The following SEC22C variants were observed in gnomAD, a reference collection of about 807,000 sequenced individuals.
SEC22C encodes vesicle-trafficking protein SEC22c.
A neutral mutation model predicts 34.7 loss-of-function variants in SEC22C; 29 were observed. The observed-to-expected ratio is 0.84, with a 90% CI of 0.62 to 1.14. The LOEUF (loss-of-function observed/expected upper bound fraction) is 1.14, where lower values mean the gene tolerates loss of function less well. SEC22C is among the 50% of genes most tolerant of loss of function. The probability of loss-of-function intolerance (pLI) is 0.00; values close to 1 mark genes in which losing one functional copy is unlikely to be tolerated. For synonymous variants in SEC22C, 117 were observed against 132.8 expected, an observed-to-expected ratio of 0.88 and a Z score of 0.82; for missense variants, 337 against 369.0, an observed-to-expected ratio of 0.91 and a Z score of 0.71.
At chr3:42,591,108 G>T in intron 1 of SEC22C, 1 of 969,352 alleles carries the variant, frequency 1.0e-6, no homozygotes, top group Non-Finnish European at 1.6e-6. Flanking sequence ...GGGTGAGATG[G>T]GCACGAAATC....
rs1157859287 is a variant in SEC22C at position 42,590,103 on chromosome 3, A to C, written c.-28+10857T>G. Among the ~76,000 whole-genome samples the C allele has an allele frequency of 7.5e-5, 11 of 146,022 alleles. No homozygotes were observed. The East Asian group carries it at 2.2e-3, about 29-fold the overall frequency. On this transcript the variant is annotated intron_variant, in intron 1 of 6. Transcript: ENST00000417572. ...CAGTGCTTTTTAGGGTTGCCAACCT[A>C]ATAAGCATTATTCCTGCCCCAAATA... is the stretch of plus-strand genomic sequence containing the variant.
Position 42,552,486 on chromosome 3 carries a change from C to G in SEC22C, c.*762G>C, listed in dbSNP as rs1702299904. The G allele has an allele frequency of 3.0e-6, 3 of 983,828 alleles. No homozygotes were observed. Among genetic ancestry groups the G allele is most frequent in the Admixed American group, 1.2e-4 (2 of 16,266 alleles). The allele number at this position is 983,828 out of a possible 1,614,324, so 60.9% of individuals were successfully genotyped here. A position where few individuals can be genotyped will look rare whatever the true frequency, so the allele number is the denominator to read the frequency against. ...TTTCTGCTCATGCTGACAAACTTAT[C>G]ATCTAGAAGTACTGGTTATTCAATT... On this transcript the variant is annotated 3_prime_UTR_variant, in exon 7 of 7. Transcript: ENST00000264454.
rs191717122 is a variant in SEC22C, at chr3:42,550,295, T to C, written c.*2953A>G. ...AGTCCAGTGATGTCAGCTGCACAGG[T>C]AGCATTTAACTACTGGGAAAACAAA... On this transcript the variant is annotated 3_prime_UTR_variant, in exon 7 of 7. Transcript: ENST00000264454. 56 of 985,454 alleles carry C rather than the reference T, an allele frequency of 5.7e-5. 1 individual carries two copies. The highest frequency in any genetic ancestry group is 5.2e-4 in the Middle Eastern group (1 of 1,914). The allele number at this position is 985,454 out of a possible 1,614,324, so 61.0% of individuals were successfully genotyped here. A position where few individuals can be genotyped will look rare whatever the true frequency, so the allele number is the denominator to read the frequency against.
chr3:42,591,076 G>C, intron 1 of SEC22C: 1 of 1,254,004 alleles, frequency 8.0e-7, no homozygotes, highest in Non-Finnish European at 1.1e-6. Flanking sequence ...GACTGTGAAG[G>C]GTGCTGAGCA....
Position 42,561,116 on chromosome 3 carries a change from C to T in SEC22C, c.526+1G>A. 6.2e-7 allele frequency: 1 copy of T among 1,609,886 alleles called. No individual in the cohort carries two copies. The highest frequency in any genetic ancestry group is 1.7e-5 in the Admixed American group (1 of 59,840). ...ACATCAGGGAACAACAAGCCACTTACCAGGCTCCAAGTGCATCGGTGTGTG... is the reference window on the plus strand; with the variant it reads ...ACATCAGGGAACAACAAGCCACTTATCAGGCTCCAAGTGCATCGGTGTGTG... On this transcript the variant is annotated splice_donor_variant, in intron 4 of 6. Transcript: ENST00000264454. LOFTEE classifies it high-confidence loss of function.
In SEC22C at chr3:42,554,178, A is replaced by C. The variant is rs188110387; in HGVS notation, c.712-730T>G. ...TACAGAGGGAGGGAGTGAGCTATCC[A>C]ACCAGGAACACAGTTGAAGGAATGA... On this transcript the variant is annotated intron_variant, in intron 6 of 6. Transcript: ENST00000264454. Among the ~76,000 whole-genome samples the C allele has an allele frequency of 2.4e-3, 362 of 152,244 alleles. 1 individual carries two copies. The highest frequency in any genetic ancestry group is 8.6e-3 in the African/African-American group (357 of 41,550).
At chr3:42,593,832 C>A (rs141265679) in intron 1 of SEC22C, among the ~76,000 whole-genome samples, 2 of 152,254 alleles carry the variant, frequency 1.3e-5, no homozygotes, top group Non-Finnish European at 2.9e-5. Flanking sequence ...AGGGAGCCAG[C>A]TATGCAGTAG....
At chr3:42,598,552 C>T (rs1225763396) in intron 1 of SEC22C, among the ~76,000 whole-genome samples, 2 of 151,996 alleles carry the variant, frequency 1.3e-5, no homozygotes, top group African/African-American at 4.8e-5. Flanking sequence ...TGGTCTCGAA[C>T]TCCTGACCTC....
At chr3:42,580,810 T>C (rs904975389) in intron 1 of SEC22C, among the ~76,000 whole-genome samples, 1 of 152,226 alleles carries the variant, frequency 6.6e-6, no homozygotes, top group Non-Finnish European at 1.5e-5. Context: ...TTCTCTAAAA[T>C]AATTTCTTCT....
chr3:42,593,410 C>A (rs969678222), intron 1 of SEC22C, among the ~76,000 whole-genome samples: 1 of 152,130 alleles, frequency 6.6e-6, no homozygotes, highest in African/African-American at 2.4e-5. Flanking sequence ...GAGCAAGACT[C>A]CGTCTCAATA....
At chr3:42,567,643 C>T (rs980050253) in intron 2 of SEC22C, among the ~76,000 whole-genome samples, 5 of 152,198 alleles carry the variant, frequency 3.3e-5, no homozygotes, top group Admixed American at 6.5e-5. Context: ...ATTCCTACTT[C>T]CAATGGAACA....
rs1277791821 is a variant in SEC22C at position 42,560,172 on chromosome 3, TTATATATAATATATATATTA to T, written c.526+925_526+944del. On this transcript the variant is annotated intron_variant, in intron 4 of 6. Coordinates refer to ENST00000264454, the MANE Select transcript of SEC22C (RefSeq NM_032970.4). The stretch of plus-strand genomic sequence containing the variant: ...TTGTTTTATATATATTATATATATT[TTATATATAATATATATATTA>T]TATATATAATATATATAATACCAAT... Among the ~76,000 whole-genome samples the T allele has an allele frequency of 5.5e-4, 80 of 145,474 alleles. No homozygotes were observed. The East Asian group carries it at 0.013, about 24-fold the overall frequency.
intron 3 of SEC22C, among the ~76,000 whole-genome samples, chr3:42,562,298 A>C (rs1384324239): frequency 6.6e-6 from 1 of 152,222 alleles, no homozygotes; most frequent in Non-Finnish European, 1.5e-5. Flanking sequence ...ATAAGGGGAG[A>C]GAAGAACACA....
chr3:42,558,060 G>A (rs191333870), intron 4 of SEC22C, among the ~76,000 whole-genome samples: 2 of 152,320 alleles, frequency 1.3e-5, no homozygotes, highest in East Asian at 3.9e-4. Flanking sequence ...CACAACTAGA[G>A]ACAGGCTGCT....
intron 1 of SEC22C, among the ~76,000 whole-genome samples, chr3:42,587,771 A>C (rs1369280359): frequency 1.3e-5 from 2 of 149,824 alleles, no homozygotes; most frequent in African/African-American, 4.9e-5. Context: ...TATAAACCTC[A>C]CTCAAAACCT....
intron 6 of SEC22C, among the ~76,000 whole-genome samples, chr3:42,554,405 C>T (rs947107107): frequency 1.1e-4 from 17 of 152,234 alleles, no homozygotes; most frequent in Non-Finnish European, 2.2e-4. Context: ...AACACAGTGG[C>T]GTGATCTCAG....
In SEC22C at chr3:42,549,040, C is replaced by T. The variant is rs9853946; in HGVS notation, c.*4208G>A. The T allele has an allele frequency of 8.9e-4, 882 of 990,396 alleles. 5 individuals are homozygous for T. In the African/African-American group the frequency reaches 0.014, roughly 16 times the overall value. 61.4% of individuals were successfully genotyped at this position (990,396 alleles called of 1,614,324 possible). ...GTGATTTGTGCACTGCGACATAGGA[C>T]TCAGTGAAGAGCCTAGCCAGCTGAC... On this transcript the variant is annotated 3_prime_UTR_variant, in exon 7 of 7. Coordinates refer to ENST00000264454, the MANE Select transcript of SEC22C (RefSeq NM_032970.4).
intron 2 of SEC22C, chr3:42,565,850 A>G (rs1251343380): frequency 4.4e-6 from 2 of 453,064 alleles, no homozygotes; most frequent in Non-Finnish European, 8.8e-6. Flanking sequence ...GAACTAACAC[A>G]CTCCTTACTA....
At chr3:42,563,374 T>A in intron 3 of SEC22C, 149 bp downstream of exon 3, 1 of 635,820 alleles carries the variant, frequency 1.6e-6, no homozygotes, top group Non-Finnish European at 2.7e-6. Flanking sequence ...TCAATTGATA[T>A]GAAATCTCAT....
Sources: gnomAD v4.1 joint callset for allele counts (sites outside exome capture counted in the v4.1 genomes callset) on GRCh38, gnomAD v4.1.1 for gene constraint, MANE v1.5 for transcripts, NCBI Gene and HGNC (gene_info 2026-07-23, HGNC 2026-07-21) for gene names.